NLGN4Y: variants seen among roughly 807,000 people sequenced by gnomAD.
The protein encoded by NLGN4Y is neuroligin 4 Y-linked, also known as neuroligin-4, Y-linked.
Under a neutral mutation model 8.4 loss-of-function variants are expected in NLGN4Y, and 4 were observed. That is an observed-to-expected ratio of 0.48 (90% CI 0.23 to 1.09). The LOEUF (loss-of-function observed/expected upper bound fraction) is 1.09, where lower values mean the gene tolerates loss of function less well. NLGN4Y is among the 50% of genes least tolerant of loss of function. The pLI is 0.19. For missense variants in NLGN4Y, 90 were observed against 192.3 expected, an observed-to-expected ratio of 0.47 and a Z score of 3.15; for synonymous variants, 35 against 75.6, an observed-to-expected ratio of 0.46 and a Z score of 2.78.
At chrY:14,528,010 C>G in intron 1 of NLGN4Y, among the ~76,000 whole-genome samples, 2 of 32,813 alleles carry the variant, frequency 6.1e-5, no homozygotes, top group South Asian at 1.4e-3. Flanking sequence ...GATGAAAAGG[C>G]CTTCTCTCTG....
intron 2 of NLGN4Y, among the ~76,000 whole-genome samples, chrY:14,701,588 G>A (rs2080848697): frequency 3.0e-5 from 1 of 32,881 alleles, no homozygotes; most frequent in Admixed American, 2.8e-4. Flanking sequence ...CCTGTTGGGG[G>A]AAATTCATTT....
intron 4 of NLGN4Y, among the ~76,000 whole-genome samples, chrY:14,778,957 G>A (rs2081137339): frequency 3.1e-5 from 1 of 32,781 alleles, no homozygotes; most frequent in Non-Finnish European, 7.5e-5. Context: ...CGCCCAGGCT[G>A]GAGTGCAGTT....
At chrY:14,831,741 T>A (rs1025625976) in intron 6 of NLGN4Y, among the ~76,000 whole-genome samples, 17 of 31,342 alleles carry the variant, frequency 5.4e-4, no homozygotes, top group Non-Finnish European at 1.1e-3. Context: ...GCTGTATAAA[T>A]AGATAGAGAG....
At chrY:14,626,396 G>A in intron 2 of NLGN4Y, among the ~76,000 whole-genome samples, 1 of 33,453 alleles carries the variant, frequency 3.0e-5, no homozygotes, top group Non-Finnish European at 7.4e-5. Flanking sequence ...CTTCAGCAGT[G>A]AAGCTGCAGA....
chrY:14,805,382 T>C (rs967441086), intron 4 of NLGN4Y, among the ~76,000 whole-genome samples: 2 of 32,809 alleles, frequency 6.1e-5, no homozygotes, highest in Non-Finnish European at 1.5e-4. Flanking sequence ...AGAGGTCAAA[T>C]AGAGATTAAG....
chrY:14,678,762 T>A, intron 2 of NLGN4Y, among the ~76,000 whole-genome samples: 1 of 33,594 alleles, frequency 3.0e-5, no homozygotes, highest in Admixed American at 2.7e-4. Flanking sequence ...TGCTTTCTCA[T>A]CCTGATGGTT....
chrY:14,756,036 GTTTTAAC>G (rs2081055678), intron 4 of NLGN4Y, among the ~76,000 whole-genome samples: 1 of 33,603 alleles, frequency 3.0e-5, no homozygotes, highest in African/African-American at 1.2e-4. Flanking sequence ...TAATCAGTGT[GTTTTAAC>G]TCCATGTTTA....
chrY:14,560,840 CAG>C (rs2080224750), intron 1 of NLGN4Y, among the ~76,000 whole-genome samples: 1 of 33,259 alleles, frequency 3.0e-5, no homozygotes, highest in Non-Finnish European at 7.4e-5. Context: ...GAAAACATAA[CAG>C]TGTATGATTT....
At chrY:14,729,995 T>C in intron 4 of NLGN4Y, among the ~76,000 whole-genome samples, 1 of 34,055 alleles carries the variant, frequency 2.9e-5, no homozygotes, top group Non-Finnish European at 7.3e-5. Context: ...ACTGTTTTGT[T>C]AGCAGATGTA....
intron 4 of NLGN4Y, among the ~76,000 whole-genome samples, chrY:14,754,750 C>G: frequency 3.0e-5 from 1 of 33,511 alleles, no homozygotes; most frequent in Non-Finnish European, 7.4e-5. Context: ...ATAAATGATA[C>G]TTTTGCTTTT....
intron 4 of NLGN4Y, among the ~76,000 whole-genome samples, chrY:14,753,148 TA>T: frequency 3.1e-5 from 1 of 32,048 alleles, no homozygotes; most frequent in Non-Finnish European, 7.5e-5. Flanking sequence ...TATTTTATTT[TA>T]TTTTTTTGAG....
intron 6 of NLGN4Y, among the ~76,000 whole-genome samples, chrY:14,830,726 T>C (rs2043176721): frequency 3.0e-5 from 1 of 33,884 alleles, no homozygotes; most frequent in Non-Finnish European, 7.3e-5. Context: ...CCAAAGTGTT[T>C]TACTCCTAAA....
At chrY:14,742,921 G>A (rs112704267) in intron 4 of NLGN4Y, among the ~76,000 whole-genome samples, 22 of 31,257 alleles carry the variant, frequency 7.0e-4, no homozygotes, top group African/African-American at 2.5e-3. Flanking sequence ...TATTACATAC[G>A]AATAATCATC....
At chrY:14,797,390 G>C in intron 4 of NLGN4Y, among the ~76,000 whole-genome samples, 3 of 29,611 alleles carry the variant, frequency 1.0e-4, no homozygotes, top group African/African-American at 4.0e-4. Context: ...TCTATCTCCC[G>C]GGTCCACGCT....
intron 1 of NLGN4Y, among the ~76,000 whole-genome samples, chrY:14,611,555 G>GTTTATTTA (rs757837636): frequency 3.0e-4 from 8 of 26,884 alleles, no homozygotes; most frequent in Admixed American, 3.8e-4. Flanking sequence ...TTGTTTGTTT[G>GTTTATTTA]TTTATTTATT....
chrY:14,717,918 T>C (rs1027725582), intron 2 of NLGN4Y, among the ~76,000 whole-genome samples: 1 of 33,459 alleles, frequency 3.0e-5, no homozygotes, highest in African/African-American at 1.2e-4. Context: ...CAAGTAGAAA[T>C]AGACCAAATG....
intron 2 of NLGN4Y, among the ~76,000 whole-genome samples, chrY:14,702,522 T>C: frequency 3.0e-5 from 1 of 33,270 alleles, no homozygotes; most frequent in African/African-American, 1.2e-4. Context: ...TAGTATTCCA[T>C]GGTGTATATG....
At chrY:14,839,008 T>A in intron 6 of NLGN4Y, among the ~76,000 whole-genome samples, 1 of 33,288 alleles carries the variant, frequency 3.0e-5, no homozygotes. Context: ...ACTAGACATA[T>A]GCTCTTCCTT....
intron 2 of NLGN4Y, among the ~76,000 whole-genome samples, chrY:14,661,913 G>A: frequency 2.9e-5 from 1 of 33,963 alleles, no homozygotes; most frequent in Non-Finnish European, 7.3e-5. Context: ...TCTTCCAGCC[G>A]TGGTAGAACT....
Sources: gnomAD v4.1 joint callset for allele counts (sites outside exome capture counted in the v4.1 genomes callset) on GRCh38, gnomAD v4.1.1 for gene constraint, MANE v1.5 for transcripts, NCBI Gene and HGNC (gene_info 2026-07-23, HGNC 2026-07-21) for gene names.